The following PRUNE2 variants were observed in gnomAD, a reference collection of about 807,000 sequenced individuals.
PRUNE2 encodes protein prune homolog 2.
In PRUNE2, 164 loss-of-function variants were observed where a neutral mutation model predicts 252.0. The observed-to-expected ratio is 0.65, with a 90% CI of 0.57 to 0.74. The LOEUF is 0.74. Ranked by LOEUF, PRUNE2 falls within the 30% of genes least tolerant of loss-of-function variation. PRUNE2 has a pLI of 0.00. For synonymous variants in PRUNE2, 1,292 were observed against 1,350.2 expected (o/e 0.96, Z 0.94); for missense variants, 3,495 against 3,711.0 (o/e 0.94, Z 1.51).
At chr9:76,633,920 T>C (rs1238165395) in intron 15 of PRUNE2, among the ~76,000 whole-genome samples, 1 of 152,042 alleles carries the variant, frequency 6.6e-6, no homozygotes, top group Non-Finnish European at 1.5e-5. Flanking sequence ...TGAGACCAGC[T>C]TGGACAACAT....
chr9:76,691,980 A>C, intron 9 of PRUNE2: 1 of 685,790 alleles, frequency 1.5e-6, no homozygotes, highest in South Asian at 1.6e-5. Flanking sequence ...CCAACTTCCC[A>C]GCAGCAAGAG....
chr9:76,727,434 T>C (rs562966712), intron 6 of PRUNE2, among the ~76,000 whole-genome samples: 10 of 152,296 alleles, frequency 6.6e-5, no homozygotes, highest in Middle Eastern at 6.8e-3. Flanking sequence ...ATTTCCTTTT[T>C]CGAAGCCAGT....
intron 4 of PRUNE2, among the ~76,000 whole-genome samples, chr9:76,839,461 G>C (rs1197931585): frequency 6.6e-6 from 1 of 152,224 alleles, no homozygotes; most frequent in African/African-American, 2.4e-5. Context: ...AAATCATCAA[G>C]AGTGGAAAGA....
intron 6 of PRUNE2, among the ~76,000 whole-genome samples, chr9:76,814,546 G>C (rs1190505669): frequency 6.6e-6 from 1 of 152,192 alleles, no homozygotes; most frequent in Non-Finnish European, 1.5e-5. Context: ...TAAGCCTCTA[G>C]GTTTTGGGGG....
chr9:76,661,607 GTTA>G (rs1398451841), intron 9 of PRUNE2, among the ~76,000 whole-genome samples: 1 of 152,170 alleles, frequency 6.6e-6, no homozygotes, highest in East Asian at 1.9e-4. Context: ...GCTAAAGAAA[GTTA>G]TTATTTAGTG....
At chr9:76,622,270 G>T (rs2132051941) in intron 17 of PRUNE2, among the ~76,000 whole-genome samples, 1 of 152,240 alleles carries the variant, frequency 6.6e-6, no homozygotes, top group Non-Finnish European at 1.5e-5. Flanking sequence ...GACACATTGG[G>T]AGAGGGTAGG....
At chr9:76,688,297 C>G (rs1449943176) in intron 9 of PRUNE2, among the ~76,000 whole-genome samples, 1 of 152,232 alleles carries the variant, frequency 6.6e-6, no homozygotes, top group Non-Finnish European at 1.5e-5. Flanking sequence ...TTGTCCAACA[C>G]CAGGACCATG....
rs540016500 is a variant in PRUNE2 at position 76,718,696 on chromosome 9, T to C, written c.757-4975A>G. Among the ~76,000 whole-genome samples, 4 of 152,184 alleles carry C rather than the reference T, an allele frequency of 2.6e-5. No individual in the cohort carries two copies. In the East Asian group the frequency reaches 7.8e-4, roughly 30 times the overall value. On this transcript the variant is annotated intron_variant, in intron 6 of 18. Transcript: ENST00000376718. ...TCTCTTCTCTCTTTCCACTTTCTCC[T>C]TGATGATCTTACCCAGCCACATGGC...
intron 6 of PRUNE2, chr9:76,759,256 A>T (rs1183639934): frequency 6.6e-6 from 1 of 152,252 alleles, no homozygotes; most frequent in South Asian, 2.1e-4. Context: ...CTGTGAACTC[A>T]TACTTACCTC....
chr9:76,751,561 G>A (rs978296073), intron 6 of PRUNE2, among the ~76,000 whole-genome samples: 4 of 152,092 alleles, frequency 2.6e-5, no homozygotes, highest in African/African-American at 9.7e-5. Flanking sequence ...CTTGTCACAG[G>A]AAATAGAAGG....
At chr9:76,905,810 C>T (rs576658411) in intron 1 of PRUNE2, 118 bp downstream of exon 1, 17 of 1,326,048 alleles carry the variant, frequency 1.3e-5, no homozygotes, top group African/African-American at 1.0e-4. Flanking sequence ...AACCCGCACA[C>T]CCTGATAACT....
intron 9 of PRUNE2, among the ~76,000 whole-genome samples, chr9:76,673,291 CT>C (rs1388614119): frequency 2.0e-5 from 3 of 148,992 alleles, no homozygotes; most frequent in African/African-American, 7.4e-5. Context: ...CGCAAATAAA[CT>C]AGAAAATCTA....
chr9:76,818,980 A>T (rs1041484289), intron 6 of PRUNE2, among the ~76,000 whole-genome samples: 1 of 152,142 alleles, frequency 6.6e-6, no homozygotes, highest in African/African-American at 2.4e-5. Context: ...GCCAGGCGCC[A>T]TGGCTCATGC....
At chr9:76,760,973 C>A (rs1375440330) in intron 6 of PRUNE2, among the ~76,000 whole-genome samples, 1 of 151,488 alleles carries the variant, frequency 6.6e-6, no homozygotes, top group Non-Finnish European at 1.5e-5. Flanking sequence ...GTAGTCCCAG[C>A]TACTTGGGAG....
intron 6 of PRUNE2, among the ~76,000 whole-genome samples, chr9:76,774,462 T>TA (rs1554761662): frequency 0.42 from 43,375 of 104,078 alleles, 8,828 homozygotes; most frequent in African/African-American, 0.61. Context: ...TTTTTTTTTT[T>TA]TTTTTTTTTT....
At chr9:76,723,962 C>T (rs1294073584) in intron 6 of PRUNE2, among the ~76,000 whole-genome samples, 1 of 151,484 alleles carries the variant, frequency 6.6e-6, no homozygotes, top group African/African-American at 2.4e-5. Flanking sequence ...CGCCTGCTAC[C>T]ACGCTCGGCT....
chr9:76,850,765 G>A, intron 2 of PRUNE2, 100 bp from the exon 3 acceptor site: 1 of 880,752 alleles, frequency 1.1e-6, no homozygotes, highest in South Asian at 1.5e-5. Context: ...AGGAATAGGA[G>A]TCTTCTGGCC....
chr9:76,624,548 T>C (rs577687611), intron 16 of PRUNE2, 58 bp from the exon 17 acceptor site: 6 of 1,254,068 alleles, frequency 4.8e-6, no homozygotes, highest in East Asian at 5.5e-5. Flanking sequence ...AAGCACAGCA[T>C]GAGACAGTCA....
At chr9:76,717,690 C>CCA (rs900351210) in intron 6 of PRUNE2, among the ~76,000 whole-genome samples, 1 of 151,992 alleles carries the variant, frequency 6.6e-6, no homozygotes, top group African/African-American at 2.4e-5. Flanking sequence ...CCCCCACCAG[C>CCA]CACACACACC....
Sources: allele counts gnomAD v4.1 joint callset (sites outside exome capture counted in the v4.1 genomes callset), GRCh38; gene constraint gnomAD v4.1.1; transcripts MANE v1.5; gene names NCBI Gene and HGNC (gene_info 2026-07-23, HGNC 2026-07-21).